The following ANK3 variants were observed in gnomAD, a reference collection of about 807,000 sequenced individuals.
The protein encoded by ANK3 is ankyrin 3.
Under a neutral mutation model 370.9 loss-of-function variants are expected in ANK3, and 57 were observed. The observed-to-expected ratio is 0.15, with a 90% CI of 0.12 to 0.19. ANK3 has a LOEUF of 0.19. Ranked by LOEUF, ANK3 falls within the 10% of genes least tolerant of loss-of-function variation. The pLI is 1.00. For synonymous variants in ANK3, 1,929 were observed against 1,946.3 expected, an observed-to-expected ratio of 0.99 and a Z score of 0.23; for missense variants, 4,439 against 5,302.1, an observed-to-expected ratio of 0.84 and a Z score of 5.06.
intron 43 of ANK3, among the ~76,000 whole-genome samples, chr10:60,031,500 A>G (rs1406869574): frequency 6.6e-6 from 1 of 152,236 alleles, no homozygotes; most frequent in Non-Finnish European, 1.5e-5. Flanking sequence ...GTTTAGTGTG[A>G]AAAGCTGACA....
intron 31 of ANK3, 138 bp downstream of exon 31, chr10:60,085,019 G>A: frequency 2.6e-6 from 2 of 778,318 alleles, no homozygotes; most frequent in South Asian, 2.1e-5. Context: ...GTTATTTGAG[G>A]ATAATTTTGA....
Position 60,072,139 on chromosome 10 carries a change from T to C in ANK3, c.8742A>G (p.Ser2914=), listed in dbSNP as rs1242992991. 2.5e-6 allele frequency: 4 copies of C among 1,613,966 alleles called. No homozygotes were observed. Among genetic ancestry groups the C allele is most frequent in the Admixed American group, 1.7e-5 (1 of 59,984 alleles). Residue 2914 remains serine, a synonymous_variant, in exon 37 of 44, where the codon TCA becomes TCG. Coordinates refer to ENST00000280772, the MANE Select transcript of ANK3 (RefSeq NM_020987.5). ...ATTTTACAGTCATTTCTTTAATTTC[T>C]GAGAGAGAGCCGTTTGTTAACAATT... The part of the protein sequence containing the change: ...ERKLLTNGSL[S]EIKEMTVKSP...
At chr10:60,341,268 C>G (rs1023643790) in intron 1 of ANK3, among the ~76,000 whole-genome samples, 1 of 152,172 alleles carries the variant, frequency 6.6e-6, no homozygotes, top group Admixed American at 6.5e-5. Flanking sequence ...AAACTCAAAT[C>G]TGTTCTTCTG....
intron 2 of ANK3, among the ~76,000 whole-genome samples, chr10:60,547,511 C>T (rs1394073589): frequency 2.0e-5 from 3 of 151,856 alleles, no homozygotes; most frequent in African/African-American, 7.3e-5. Flanking sequence ...TTCTCCTGCC[C>T]CAGCCTCCCA....
In ANK3 at chr10:60,069,458, A is replaced by G; in HGVS notation, c.11423T>C (p.Leu3808Pro). Reference protein sequence around the residue: ...QTDNIMSNIVLTEHSAPTCTT... With the variant: ...QTDNIMSNIVPTEHSAPTCTT... ...ACAAGTGGGTGCAGAATGTTCTGTCAGAACTATATTACTCATAATGTTATC... is the reference window on the plus strand; with the variant it reads ...ACAAGTGGGTGCAGAATGTTCTGTCGGAACTATATTACTCATAATGTTATC... The change falls in exon 37 of 44, where the codon CTG becomes CCG. Residue 3808 changes from leucine (L) to proline (P), a missense_variant. Physicochemically the swap from Leu to Pro is moderately conservative, Grantham distance 98. This residue lies in a region of ANK3 where 496 missense variants were observed against 529.3 expected (regional missense o/e 0.94). Transcript: ENST00000280772. The G allele has an allele frequency of 6.2e-7, 1 of 1,614,090 alleles. No homozygotes were observed. Among genetic ancestry groups the G allele is most frequent in the Non-Finnish European group, 8.5e-7 (1 of 1,179,980 alleles).
chr10:60,243,750 T>TC (rs1453086281), intron 7 of ANK3, among the ~76,000 whole-genome samples: 1 of 152,214 alleles, frequency 6.6e-6, no homozygotes, highest in African/African-American at 2.4e-5. Flanking sequence ...TGACTGCATC[T>TC]CACAAGGATA....
chr10:60,452,552 C>A (rs2064636763), intron 2 of ANK3, among the ~76,000 whole-genome samples: 1 of 152,178 alleles, frequency 6.6e-6, no homozygotes, highest in Non-Finnish European at 1.5e-5. Context: ...GAGGGGGAAC[C>A]CTCATAATAA....
intron 1 of ANK3, among the ~76,000 whole-genome samples, chr10:60,340,937 A>T (rs2054146099): frequency 6.6e-6 from 1 of 152,182 alleles, no homozygotes; most frequent in Non-Finnish European, 1.5e-5. Context: ...TAAGGAGATT[A>T]AAAAACTTGC....
At chr10:60,218,594 G>C (rs1029800341) in intron 8 of ANK3, among the ~76,000 whole-genome samples, 6 of 152,094 alleles carry the variant, frequency 3.9e-5, no homozygotes, top group Non-Finnish European at 8.8e-5. Flanking sequence ...TTTTCCTTAT[G>C]AATGTTGAAT....
intron 2 of ANK3, among the ~76,000 whole-genome samples, chr10:60,497,601 G>A (rs2075691747): frequency 6.6e-6 from 1 of 152,150 alleles, no homozygotes; most frequent in African/African-American, 2.4e-5. Flanking sequence ...CACACTTCCT[G>A]TACATGCCTC....
At chr10:60,108,702 T>C (rs2092434588) in intron 27 of ANK3, 128 bp downstream of exon 27, 1 of 763,702 alleles carries the variant, frequency 1.3e-6, no homozygotes, top group Admixed American at 2.7e-5. Flanking sequence ...CCTTTGACAC[T>C]TTACAAAAAG....
chr10:60,137,421 G>T, intron 24 of ANK3: 1 of 264,050 alleles, frequency 3.8e-6, no homozygotes, highest in Non-Finnish European at 7.5e-6. Context: ...AAATCAGACA[G>T]GGAAAAAAGA....
intron 4 of ANK3, among the ~76,000 whole-genome samples, chr10:60,277,963 T>C (rs1248794449): frequency 2.6e-5 from 4 of 152,218 alleles, no homozygotes; most frequent in Admixed American, 1.3e-4. Flanking sequence ...GACCTGTCTG[T>C]GGAGACTCAA....
intron 1 of ANK3, among the ~76,000 whole-genome samples, chr10:60,345,790 C>T (rs1291878050): frequency 1.3e-5 from 2 of 152,086 alleles, no homozygotes; most frequent in South Asian, 4.1e-4. Context: ...TTTAAAACTG[C>T]ATCTCACTTC....
At chr10:60,200,334 C>T (rs2096652922) in intron 12 of ANK3, 107 bp from the exon 13 acceptor site, 6 of 807,992 alleles carry the variant, frequency 7.4e-6, no homozygotes, top group South Asian at 5.8e-5. Context: ...AAAAAATAGT[C>T]CTAAGCACTT....
chr10:60,395,574 TTC>T (rs2063208546), intron 2 of ANK3, among the ~76,000 whole-genome samples: 1 of 123,206 alleles, frequency 8.1e-6, no homozygotes, highest in African/African-American at 3.4e-5. Context: ...CTTTCTTTCT[TTC>T]TTTCTTTCTT....
At chr10:60,414,158 A>G (rs1479451503) in intron 2 of ANK3, among the ~76,000 whole-genome samples, 9 of 152,246 alleles carry the variant, frequency 5.9e-5, no homozygotes, top group African/African-American at 1.7e-4. Flanking sequence ...TTAGTCTCAC[A>G]TCACAGAATC....
intron 1 of ANK3, among the ~76,000 whole-genome samples, chr10:60,316,291 C>T (rs1473350182): frequency 6.6e-6 from 1 of 152,084 alleles, no homozygotes; most frequent in Non-Finnish European, 1.5e-5. Context: ...TGTATGACAC[C>T]TTAGCAAACT....
intron 8 of ANK3, among the ~76,000 whole-genome samples, chr10:60,214,294 G>A (rs1483862722): frequency 6.6e-6 from 1 of 152,076 alleles, no homozygotes; most frequent in East Asian, 1.9e-4. Flanking sequence ...GAGAAACCTT[G>A]TTCATGTAGA....
Sources: gnomAD v4.1 joint callset for allele counts (sites outside exome capture counted in the v4.1 genomes callset) on GRCh38, gnomAD v4.1.1 for gene constraint, gnomAD v4.1.1 regional missense constraint, MANE v1.5 for transcripts, NCBI Gene and HGNC (gene_info 2026-07-23, HGNC 2026-07-21) for gene names.